Variants in RASAL2 observed in about 807,000 individuals in gnomAD.
RASAL2 encodes the protein ras GTPase-activating protein nGAP.
A neutral mutation model predicts 128.9 loss-of-function variants in RASAL2; 58 were observed. That is an observed-to-expected ratio of 0.45 (90% CI 0.36 to 0.56). The LOEUF is 0.56. Ranked by LOEUF, RASAL2 falls within the 20% of genes least tolerant of loss-of-function variation. RASAL2 has a pLI of 0.00. For missense variants in RASAL2, 1,360 were observed against 1,601.6 expected (o/e 0.85, Z 2.57); for synonymous variants, 561 against 580.8 (o/e 0.97, Z 0.49).
chr1:178,460,730 G>A (rs1028200004), intron 14 of RASAL2, among the ~76,000 whole-genome samples: 7 of 151,910 alleles, frequency 4.6e-5, no homozygotes, highest in East Asian at 3.9e-4. Context: ...ATAAATCACC[G>A]TATTTTGATT....
intron 1 of RASAL2, among the ~76,000 whole-genome samples, chr1:178,132,424 T>C (rs1364005258): frequency 6.6e-6 from 1 of 152,150 alleles, no homozygotes; most frequent in Non-Finnish European, 1.5e-5. Flanking sequence ...TTCTTATTTC[T>C]TTCTGATCTT....
intron 5 of RASAL2, among the ~76,000 whole-genome samples, chr1:178,437,011 G>A (rs1676296041): frequency 6.6e-6 from 1 of 152,024 alleles, no homozygotes; most frequent in African/African-American, 2.4e-5. Context: ...AGTCAACTTT[G>A]CCATGTTTGC....
Position 178,467,440 on chromosome 1 carries a change from T to G in RASAL2, c.3678+19T>G, listed in dbSNP as rs1187396769. On this transcript the variant is annotated intron_variant, in intron 17 of 17. Transcript: ENST00000367649. The stretch of plus-strand genomic sequence containing the variant: ...TGCACAGGTAAGCAGGCTTTGAATC[T>G]AATAGAAGGCACTTGTTTATAGTAA... 1 of 1,597,870 alleles carries G rather than the reference T, an allele frequency of 6.3e-7. No individual in the cohort carries two copies. The highest frequency in any genetic ancestry group is 2.2e-5 in the East Asian group (1 of 44,802).
chr1:178,420,616 G>C lies in RASAL2; in HGVS notation c.670G>C (p.Asp224His), dbSNP rs1337239290. The change falls in exon 5 of 18, where the codon GAC becomes CAC. Residue 224 changes from aspartate to histidine, a missense_variant. Coordinates refer to ENST00000367649, the MANE Select transcript of RASAL2 (RefSeq NM_170692.4). ...GCTTCCATCCCTTCGCAGTACAGAT[G>C]ACAGGTAGGAAGTTAACTTTCTTAA... ...FRLPSLRSTD[D>H]RSRGLPKLKE... 6.3e-7 allele frequency: 1 copy of C among 1,594,626 alleles called. No individual in the cohort carries two copies. The highest frequency in any genetic ancestry group is 8.6e-7 in the Non-Finnish European group (1 of 1,167,638).
chr1:178,447,674 A>T (rs1677099120), intron 9 of RASAL2, among the ~76,000 whole-genome samples: 2 of 69,268 alleles, frequency 2.9e-5, no homozygotes, highest in Admixed American at 1.3e-4. Context: ...TCCTTCTCTT[A>T]AAAAAAAAAA....
intron 2 of RASAL2, among the ~76,000 whole-genome samples, chr1:178,293,834 C>T (rs140938648): frequency 1.4e-4 from 22 of 152,162 alleles, no homozygotes; most frequent in East Asian, 9.7e-4. Flanking sequence ...GATGTGTTAC[C>T]GGAGAACTAA....
chr1:178,412,061 G>GAAA, intron 4 of RASAL2: 7 of 252,392 alleles, frequency 2.8e-5, no homozygotes, highest in South Asian at 5.6e-5. Flanking sequence ...GCCATCATGT[G>GAAA]AAAAAAAAAA....
intron 1 of RASAL2, among the ~76,000 whole-genome samples, chr1:178,280,527 G>A (rs1266576546): frequency 1.3e-5 from 2 of 151,876 alleles, no homozygotes; most frequent in Non-Finnish European, 2.9e-5. Context: ...CCCATATACT[G>A]AAGTCCTCAG....
At chr1:178,118,443 G>A (rs1011491000) in intron 1 of RASAL2, among the ~76,000 whole-genome samples, 1 of 152,110 alleles carries the variant, frequency 6.6e-6, no homozygotes, top group Non-Finnish European at 1.5e-5. Context: ...TCTCATCTGG[G>A]GGTGATGGGA....
intron 1 of RASAL2, among the ~76,000 whole-genome samples, chr1:178,273,197 G>C (rs754116054): frequency 5.9e-5 from 9 of 152,142 alleles, no homozygotes; most frequent in Non-Finnish European, 1.0e-4. Context: ...GCAAAAAGTA[G>C]GTTTGCCTAG....
In RASAL2 at chr1:178,456,821, C is replaced by A; in HGVS notation, c.2312C>A (p.Thr771Asn). The change falls in exon 13 of 18, where the codon ACT (threonine) becomes AAT (asparagine). Residue 771 changes from threonine to asparagine, a missense_variant. By Grantham distance (65) the Thr-to-Asn change is moderately conservative. Transcript: ENST00000367649. Reference protein sequence around the residue: ...TPIQQQLRRFTEHNSSPNVSG... With the variant: ...TPIQQQLRRFNEHNSSPNVSG... ...ATACAACAGCAACTGAGACGCTTCA[C>A]TGAACATAACTCCAGTCCAAATGTC... The A allele has an allele frequency of 6.2e-7, 1 of 1,614,212 alleles. No homozygotes were observed.
rs906784351 is a variant in RASAL2 at position 178,362,457 on chromosome 1, TCTCC to T, written c.458-27627_458-27624del. ...ACTTCTCTCCCTCCCTCCTTCCTTC[TCTCC>T]CTCCCTCCCTCCCTCTCTTCCCTTC... On this transcript the variant is annotated intron_variant, in intron 3 of 17. Coordinates refer to ENST00000367649, the MANE Select transcript of RASAL2 (RefSeq NM_170692.4). 3.3e-3 allele frequency among the ~76,000 whole-genome samples: 492 copies of T among 151,098 alleles called. 4 individuals are homozygous for T. The highest frequency in any genetic ancestry group is 0.011 in the African/African-American group (454 of 41,144).
At chr1:178,280,169 A>T (rs1666716958) in intron 1 of RASAL2, among the ~76,000 whole-genome samples, 1 of 152,100 alleles carries the variant, frequency 6.6e-6, no homozygotes, top group African/African-American at 2.4e-5. Flanking sequence ...GTTATTTGAA[A>T]ATATTATTAA....
At chr1:178,448,726 A>G (rs935936709) in intron 9 of RASAL2, among the ~76,000 whole-genome samples, 4 of 152,190 alleles carry the variant, frequency 2.6e-5, no homozygotes, top group Admixed American at 1.3e-4. Flanking sequence ...TTTATTGACT[A>G]TCTGCTTCTT....
intron 4 of RASAL2, among the ~76,000 whole-genome samples, chr1:178,411,173 C>G (rs1191602971): frequency 7.2e-6 from 1 of 138,772 alleles, no homozygotes; most frequent in African/African-American, 2.6e-5. Flanking sequence ...TGTACACACA[C>G]ACACACACAC....
chr1:178,362,112 G>A (rs1213709835), intron 3 of RASAL2, among the ~76,000 whole-genome samples: 3 of 152,184 alleles, frequency 2.0e-5, no homozygotes, highest in African/African-American at 7.2e-5. Context: ...TGGCCTGGGG[G>A]TTGGGGACCC....
chr1:178,115,427 G>A (rs1032277759), intron 1 of RASAL2, among the ~76,000 whole-genome samples: 1 of 152,154 alleles, frequency 6.6e-6, no homozygotes, highest in African/African-American at 2.4e-5. Flanking sequence ...GGGAGAGTAG[G>A]AAAGACCTTC....
chr1:178,205,682 A>G (rs1406679363), intron 1 of RASAL2, among the ~76,000 whole-genome samples: 1 of 151,948 alleles, frequency 6.6e-6, no homozygotes, highest in Non-Finnish European at 1.5e-5. Context: ...GCATGAACCC[A>G]GGAGGCAGAG....
chr1:178,110,529 G>T (rs1659263311), intron 1 of RASAL2, among the ~76,000 whole-genome samples: 1 of 137,266 alleles, frequency 7.3e-6, no homozygotes, highest in African/African-American at 2.7e-5. Context: ...GTATATATAT[G>T]CTATATATAC....
Sources: allele counts gnomAD v4.1 joint callset (sites outside exome capture counted in the v4.1 genomes callset), GRCh38; gene constraint gnomAD v4.1.1; transcripts MANE v1.5; gene names NCBI Gene and HGNC (gene_info 2026-07-23, HGNC 2026-07-21).